FER: variants seen among roughly 807,000 people sequenced by gnomAD.
FER encodes tyrosine-protein kinase Fer.
A neutral mutation model predicts 111.0 loss-of-function variants in FER; 63 were observed. That is an observed-to-expected ratio of 0.57 (90% CI 0.46 to 0.70). The LOEUF (loss-of-function observed/expected upper bound fraction) is 0.70. Ranked by LOEUF, FER falls within the 30% of genes least tolerant of loss-of-function variation. The pLI, the probability that FER is intolerant of heterozygous loss-of-function variation, is 0.00. For missense variants in FER, 914 were observed against 954.0 expected, an observed-to-expected ratio of 0.96 and a Z score of 0.55; for synonymous variants, 327 against 313.9, an observed-to-expected ratio of 1.04 and a Z score of -0.44.
At chr5:109,094,602 T>C (rs72796563) in intron 16 of FER, among the ~76,000 whole-genome samples, 44,048 of 152,030 alleles carry the variant, frequency 0.29, 7,225 homozygotes, top group African/African-American at 0.45. Flanking sequence ...GTTAAGGTTT[T>C]GTGGGCCATA....
At chr5:108,752,598 A>T (rs1750624493) in intron 1 of FER, among the ~76,000 whole-genome samples, 1 of 152,070 alleles carries the variant, frequency 6.6e-6, no homozygotes, top group Non-Finnish European at 1.5e-5. Context: ...GTAAGTATAA[A>T]TATTTTAGTT....
intron 16 of FER, among the ~76,000 whole-genome samples, chr5:109,081,384 T>G (rs1374777812): frequency 2.0e-5 from 3 of 152,040 alleles, no homozygotes; most frequent in South Asian, 2.1e-4. Flanking sequence ...AACTTAGATA[T>G]GAGAAAATTA....
chr5:109,185,181 T>G (rs1308951441), intron 18 of FER, among the ~76,000 whole-genome samples: 1 of 152,214 alleles, frequency 6.6e-6, no homozygotes, highest in Non-Finnish European at 1.5e-5. Context: ...TGTATCTTTG[T>G]GCTTCTCTAG....
chr5:108,765,420 TTTCTC>T (rs1752211489), intron 1 of FER, among the ~76,000 whole-genome samples: 1 of 152,144 alleles, frequency 6.6e-6, no homozygotes, highest in Admixed American at 6.5e-5. Context: ...CTTACTTTCT[TTTCTC>T]TTTTCTTTTT....
rs1320854062 is a variant in FER, at chr5:108,768,134, T to C, written c.-164T>C. 6.6e-6 allele frequency: 1 copy of C among 152,258 alleles called. No homozygotes were observed. The highest frequency in any genetic ancestry group is 2.4e-5 in the African/African-American group (1 of 41,452). The allele number at this position is 152,258 out of a possible 1,614,324, so 9.4% of individuals were successfully genotyped here. ...AGACCTATGACCATTTTCGCTAGAC[T>C]TCACTGCACGTTTTCTCAAGTATCT... On this transcript the variant is annotated 5_prime_UTR_variant, in exon 2 of 20. Transcript: ENST00000281092.
intron 17 of FER, among the ~76,000 whole-genome samples, chr5:109,154,459 T>G (rs1466627049): frequency 6.6e-6 from 1 of 151,868 alleles, no homozygotes; most frequent in Non-Finnish European, 1.5e-5. Flanking sequence ...AAGAAACTTT[T>G]TTATAGAGAG....
chr5:108,804,945 T>C (rs1757041158), intron 3 of FER, among the ~76,000 whole-genome samples: 1 of 151,710 alleles, frequency 6.6e-6, no homozygotes, highest in African/African-American at 2.4e-5. Context: ...TAGTAGAATT[T>C]GGCTGTGAAT....
chr5:108,920,261 C>G (rs1223443626), intron 10 of FER, among the ~76,000 whole-genome samples: 1 of 151,848 alleles, frequency 6.6e-6, no homozygotes, highest in Non-Finnish European at 1.5e-5. Flanking sequence ...TCCTACCTAC[C>G]AAAAGTTATC....
At chr5:108,891,592 T>C (rs867878458) in intron 9 of FER, 1 of 152,034 alleles carries the variant, frequency 6.6e-6, no homozygotes, top group Admixed American at 6.6e-5. Flanking sequence ...GTTGGTGCTT[T>C]GGTGTTAAGT....
intron 5 of FER, among the ~76,000 whole-genome samples, chr5:108,855,382 C>T (rs1383255530): frequency 6.6e-6 from 1 of 151,910 alleles, no homozygotes; most frequent in Non-Finnish European, 1.5e-5. Flanking sequence ...CCTGTAATCC[C>T]AGCACTTTGG....
At chr5:108,994,707 GC>G (rs750122571) in intron 13 of FER, among the ~76,000 whole-genome samples, 1 of 152,120 alleles carries the variant, frequency 6.6e-6, no homozygotes, top group Non-Finnish European at 1.5e-5. Flanking sequence ...GGGCAGTATG[GC>G]CTTTTTTATG....
chr5:108,809,633 G>A (rs1257286231), intron 3 of FER, among the ~76,000 whole-genome samples: 2 of 152,174 alleles, frequency 1.3e-5, no homozygotes, highest in Non-Finnish European at 2.9e-5. Flanking sequence ...CATGATCACA[G>A]CTCTCTTCAG....
chr5:108,906,398 C>T (rs1004459292), intron 10 of FER, among the ~76,000 whole-genome samples: 4 of 152,050 alleles, frequency 2.6e-5, no homozygotes, highest in African/African-American at 9.7e-5. Context: ...TTGTGATCTA[C>T]TCTTCTCTGT....
intron 13 of FER, among the ~76,000 whole-genome samples, chr5:109,008,558 A>G (rs868018880): frequency 3.3e-4 from 50 of 151,452 alleles, no homozygotes; most frequent in African/African-American, 1.2e-3. Context: ...TCTCTAGTTA[A>G]CTCATCTATC....
Position 109,194,280 on chromosome 5 carries a change from G to A in FER, c.*6705G>A, listed in dbSNP as rs1033890875. The A allele has an allele frequency of 6.6e-6, 1 of 152,158 alleles. No individual in the cohort carries two copies. Among genetic ancestry groups the A allele is most frequent in the African/African-American group, 2.4e-5 (1 of 41,406 alleles). 9.4% of individuals were successfully genotyped at this position (152,158 alleles called of 1,614,324 possible). Reference sequence around the variant, plus strand: ...TCTGAAAGTATTTCAATTGTGTAATGTTAAGGAGTTTTTTCATAGCTTCAG... The same window carrying A: ...TCTGAAAGTATTTCAATTGTGTAATATTAAGGAGTTTTTTCATAGCTTCAG... On this transcript the variant is annotated 3_prime_UTR_variant, in exon 20 of 20. Coordinates refer to ENST00000281092, the MANE Select transcript of FER (RefSeq NM_005246.4).
At chr5:108,851,893 A>G (rs1762576849) in intron 5 of FER, among the ~76,000 whole-genome samples, 2 of 152,216 alleles carry the variant, frequency 1.3e-5, no homozygotes, top group South Asian at 4.1e-4. Context: ...CTTCTGCTTT[A>G]TCATACATCA....
intron 17 of FER, among the ~76,000 whole-genome samples, chr5:109,108,490 T>C (rs1221401372): frequency 6.6e-6 from 1 of 152,136 alleles, no homozygotes; most frequent in African/African-American, 2.4e-5. Flanking sequence ...TATCTCTGTA[T>C]TTTCCTGGGA....
At position 109,195,490 on chromosome 5, in the gene FER, A is replaced by G. The variant is rs1344035071; in HGVS notation, c.*7915A>G. On this transcript the variant is annotated 3_prime_UTR_variant, in exon 20 of 20. Coordinates refer to ENST00000281092, the MANE Select transcript of FER (RefSeq NM_005246.4). ...CAAGGTTCATCTGATTTCCCATAAC[A>G]AGTAAATTTTATAATCCTATGATTC... The G allele has an allele frequency of 6.6e-6, 1 of 152,182 alleles. No homozygotes were observed. The highest frequency in any genetic ancestry group is 1.5e-5 in the Non-Finnish European group (1 of 68,032). 9.4% of individuals were successfully genotyped at this position (152,182 alleles called of 1,614,324 possible). A position where few individuals can be genotyped will look rare whatever the true frequency, so the allele number is the denominator to read the frequency against.
intron 9 of FER, among the ~76,000 whole-genome samples, chr5:108,890,682 C>T (rs907790181): frequency 2.6e-5 from 4 of 151,996 alleles, no homozygotes; most frequent in Admixed American, 6.6e-5. Flanking sequence ...ACCCTGTTTC[C>T]AAATAAGGTC....
Sources: gnomAD v4.1 joint callset for allele counts (sites outside exome capture counted in the v4.1 genomes callset) on GRCh38, gnomAD v4.1.1 for gene constraint, MANE v1.5 for transcripts, NCBI Gene and HGNC (gene_info 2026-07-23, HGNC 2026-07-21) for gene names.